The following ATF3 variants were observed in gnomAD, a reference collection of about 807,000 sequenced individuals.
ATF3 encodes the protein activating transcription factor 3, also known as cyclic AMP-dependent transcription factor ATF-3.
ATF3 carries 10 observed loss-of-function variants against 18.4 expected under a neutral mutation model. The observed-to-expected ratio is 0.54, with a 90% CI of 0.34 to 0.92. ATF3 has a LOEUF of 0.92. Ranked by LOEUF, ATF3 falls within the 40% of genes least tolerant of loss-of-function variation. ATF3 has a pLI of 0.02. For synonymous variants in ATF3, 78 were observed against 87.9 expected (o/e 0.89, Z 0.63); for missense variants, 183 against 222.3 (o/e 0.82, Z 1.12).
intron 1 of ATF3, among the ~76,000 whole-genome samples, chr1:212,597,235 G>A (rs540026822): frequency 1.3e-5 from 2 of 152,000 alleles, no homozygotes; most frequent in Admixed American, 6.5e-5. Flanking sequence ...AGGGAATGAC[G>A]ACAAGAAAAA....
Position 212,618,846 on chromosome 1 carries a change from C to A in ATF3, c.349-512C>A. On this transcript the variant is annotated intron_variant, in intron 3 of 3. Coordinates refer to ENST00000341491, the MANE Select transcript of ATF3 (RefSeq NM_001674.4). This position sits in a 1 kb window ranked among gnomAD's most constrained non-coding sequence, Gnocchi z 4.4. ...TCTTTCCAGTGGCTGTGTCCCTCCT[C>A]CAAATGTGGACAGGCCATGACAGAG... The A allele has an allele frequency of 1.5e-6, 1 of 670,358 alleles. No homozygotes were observed. The highest frequency in any genetic ancestry group is 2.6e-6 in the Non-Finnish European group (1 of 388,982). 41.5% of individuals were successfully genotyped at this position (670,358 alleles called of 1,614,324 possible).
chr1:212,568,563 G>A (rs1312931763), intron 1 of ATF3, among the ~76,000 whole-genome samples: 1 of 152,180 alleles, frequency 6.6e-6, no homozygotes. Flanking sequence ...CTTACTTCAA[G>A]TAGTAAATTT....
At chr1:212,575,363 A>G (rs1180187871) in intron 1 of ATF3, among the ~76,000 whole-genome samples, 3 of 152,076 alleles carry the variant, frequency 2.0e-5, no homozygotes, top group Non-Finnish European at 4.4e-5. Flanking sequence ...ACTATTAAGA[A>G]TGCTATTGAT....
chr1:212,584,429 C>G (rs576018454), intron 1 of ATF3, among the ~76,000 whole-genome samples: 1 of 152,186 alleles, frequency 6.6e-6, no homozygotes, highest in South Asian at 2.1e-4. Context: ...CAGTCTGAGG[C>G]TGGGAGGCTC....
chr1:212,602,858 T>A (rs1654519111), intron 1 of ATF3, among the ~76,000 whole-genome samples: 1 of 152,258 alleles, frequency 6.6e-6, no homozygotes, highest in African/African-American at 2.4e-5. Flanking sequence ...ATGTATTTGA[T>A]ATCTTCTCTC....
chr1:212,619,872 T>G lies in ATF3; in HGVS notation c.*317T>G. 3 of 319,240 alleles carry G rather than the reference T, an allele frequency of 9.4e-6. No homozygotes were observed. Among genetic ancestry groups the G allele is most frequent in the Non-Finnish European group, 1.2e-5 (2 of 162,236 alleles). 19.8% of individuals were successfully genotyped at this position (319,240 alleles called of 1,614,324 possible). On this transcript the variant is annotated 3_prime_UTR_variant, in exon 4 of 4. Coordinates refer to ENST00000341491, the MANE Select transcript of ATF3 (RefSeq NM_001674.4). This position sits in a 1 kb window ranked among gnomAD's most constrained non-coding sequence, Gnocchi z 4.4. ...ATCTGGATTCTACAAAAAACCAGGA[T>G]GCCCACCGTTAGGATTCAGGCAGCA...
chr1:212,600,975 G>A (rs1654467233), intron 1 of ATF3, among the ~76,000 whole-genome samples: 1 of 152,100 alleles, frequency 6.6e-6, no homozygotes, highest in South Asian at 2.1e-4. Flanking sequence ...TAACTCTTCA[G>A]GTCAAGAAAT....
chr1:212,599,675 C>G (rs920449398), intron 1 of ATF3, among the ~76,000 whole-genome samples: 1 of 152,102 alleles, frequency 6.6e-6, no homozygotes, highest in Non-Finnish European at 1.5e-5. Flanking sequence ...CCCGAAATGC[C>G]CTTATTAGTC....
At position 212,619,733 on chromosome 1, in the gene ATF3, T is replaced by G. The variant is rs369246248; in HGVS notation, c.*178T>G. ...AGGCCCTTCCCATTCTGCCCCAGAG[T>G]GGGTCTTGGACCAGGGCAAGTGCAT... On this transcript the variant is annotated 3_prime_UTR_variant, in exon 4 of 4. Transcript: ENST00000341491. The surrounding 1 kb of genome is among the most constrained non-coding windows in gnomAD (Gnocchi z 4.4). The G allele has an allele frequency of 7.4e-6, 6 of 810,472 alleles. No individual in the cohort carries two copies. The highest frequency in any genetic ancestry group is 3.4e-5 in the South Asian group (2 of 58,270). The allele number at this position is 810,472 out of a possible 1,614,324, so 50.2% of individuals were successfully genotyped here. A position where few individuals can be genotyped will look rare whatever the true frequency, so the allele number is the denominator to read the frequency against.
At position 212,618,976 on chromosome 1, in the gene ATF3, A is replaced by C. The variant is rs1311018475; in HGVS notation, c.349-382A>C. The C allele has an allele frequency of 1.9e-6, 3 of 1,589,130 alleles. No homozygotes were observed. Among genetic ancestry groups the C allele is most frequent in the African/African-American group, 1.3e-5 (1 of 74,334 alleles). ...GTTGCTATATACATTTTTTCTGGGG[A>C]GATGAGCTTCTCATTGAGATCTGTG... On this transcript the variant is annotated intron_variant, in intron 3 of 3. Transcript: ENST00000341491. This position sits in a 1 kb window ranked among gnomAD's most constrained non-coding sequence, Gnocchi z 4.4.
upstream of ATF3, among the ~76,000 whole-genome samples, chr1:212,606,466 G>C (rs575644725): frequency 6.6e-6 from 1 of 152,360 alleles, no homozygotes; most frequent in South Asian, 2.1e-4. Context: ...GGTGTTGGGG[G>C]CTTCTCCCCC....
intron 1 of ATF3, among the ~76,000 whole-genome samples, chr1:212,574,703 A>C (rs1267091540): frequency 6.6e-6 from 1 of 152,070 alleles, no homozygotes; most frequent in Non-Finnish European, 1.5e-5. Flanking sequence ...TGTGAGTGAG[A>C]ATCTAATTTA....
rs977466450 is a variant in ATF3, at chr1:212,619,414, C to G, written c.405C>G (p.Leu135=). The stretch of plus-strand genomic sequence containing the variant: ...AACTGAAGGCTCAGATTGAGGAGCT[C>G]AAGAACGAGAAGCAGCATTTGATAT... ...NAELKAQIEE[L]KNEKQHLIYM... Residue 135 remains leucine (L), a synonymous_variant, in exon 4 of 4, where the codon CTC becomes CTG. Coordinates refer to ENST00000341491, the MANE Select transcript of ATF3 (RefSeq NM_001674.4). The surrounding 1 kb of genome is among the most constrained non-coding windows in gnomAD (Gnocchi z 4.4). The G allele has an allele frequency of 6.2e-7, 1 of 1,613,942 alleles. No individual in the cohort carries two copies. Among genetic ancestry groups the G allele is most frequent in the African/African-American group, 1.3e-5 (1 of 74,890 alleles).
At chr1:212,582,961 T>C (rs1046310245) in intron 1 of ATF3, among the ~76,000 whole-genome samples, 10 of 151,874 alleles carry the variant, frequency 6.6e-5, no homozygotes, top group African/African-American at 2.4e-4. Flanking sequence ...TCCAGGTCTC[T>C]TGGGTTGCAA....
intron 1 of ATF3, among the ~76,000 whole-genome samples, chr1:212,598,627 C>T (rs1426144924): frequency 6.6e-6 from 1 of 152,198 alleles, no homozygotes; most frequent in African/African-American, 2.4e-5. Context: ...CCTTCCCAGC[C>T]TCTGGTAACC....
Position 212,619,741 on chromosome 1 carries a change from G to A in ATF3, c.*186G>A, listed in dbSNP as rs1655291749. On this transcript the variant is annotated 3_prime_UTR_variant, in exon 4 of 4. Transcript: ENST00000341491. The surrounding 1 kb of genome is among the most constrained non-coding windows in gnomAD (Gnocchi z 4.4). ...CCCATTCTGCCCCAGAGTGGGTCTT[G>A]GACCAGGGCAAGTGCATCTTTGCCT... 1 of 711,724 alleles carries A rather than the reference G, an allele frequency of 1.4e-6. No individual in the cohort carries two copies. The highest frequency in any genetic ancestry group is 2.2e-6 in the Non-Finnish European group (1 of 446,774). The allele number at this position is 711,724 out of a possible 1,614,324, so 44.1% of individuals were successfully genotyped here. A position where few individuals can be genotyped will look rare whatever the true frequency, so the allele number is the denominator to read the frequency against.
In ATF3 at chr1:212,618,822, C is replaced by G. The variant is rs1655244120; in HGVS notation, c.349-536C>G. 7 of 617,464 alleles carry G rather than the reference C, an allele frequency of 1.1e-5. No homozygotes were observed. The highest frequency in any genetic ancestry group is 2.6e-5 in the Admixed American group (1 of 37,896). The allele number at this position is 617,464 out of a possible 1,614,324, so 38.2% of individuals were successfully genotyped here. ...AGGGTGGCCGGTGGTGCTCAGCAGT[C>G]TTTCCAGTGGCTGTGTCCCTCCTCC... is the stretch of plus-strand genomic sequence containing the variant. On this transcript the variant is annotated intron_variant, in intron 3 of 3. Coordinates refer to ENST00000341491, the MANE Select transcript of ATF3 (RefSeq NM_001674.4). The surrounding 1 kb of genome is among the most constrained non-coding windows in gnomAD (Gnocchi z 4.4).
At chr1:212,583,152 T>C (rs974469422) in intron 1 of ATF3, among the ~76,000 whole-genome samples, 3 of 152,214 alleles carry the variant, frequency 2.0e-5, no homozygotes, top group Non-Finnish European at 4.4e-5. Context: ...ATGGGCTTCA[T>C]AGCTAGACAC....
intron 1 of ATF3, among the ~76,000 whole-genome samples, chr1:212,566,880 G>A (rs534497013): frequency 1.3e-5 from 2 of 152,192 alleles, no homozygotes; most frequent in East Asian, 3.9e-4. Flanking sequence ...GTAAAACCTC[G>A]TACGGCGAGT....
Sources: allele counts gnomAD v4.1 joint callset (sites outside exome capture counted in the v4.1 genomes callset), GRCh38; gene constraint gnomAD v4.1.1; non-coding constraint Gnocchi (gnomAD v3.1); transcripts MANE v1.5; gene names NCBI Gene and HGNC (gene_info 2026-07-23, HGNC 2026-07-21).